The following GDE1 variants were observed in gnomAD, a reference collection of about 807,000 sequenced individuals.
GDE1 encodes glycerophosphodiester phosphodiesterase 1.
In GDE1, 24 loss-of-function variants were observed where a neutral mutation model predicts 32.2. The observed-to-expected ratio is 0.75, with a 90% CI of 0.54 to 1.05. GDE1 has a LOEUF of 1.05. Among genes scored for constraint, GDE1 ranks in the 50% least tolerant of loss-of-function variants. The probability of loss-of-function intolerance (pLI) is 0.00; values close to 1 mark genes in which losing one functional copy is unlikely to be tolerated. For synonymous variants in GDE1, 159 were observed against 158.6 expected, an observed-to-expected ratio of 1.00 and a Z score of -0.02; for missense variants, 380 against 415.0, an observed-to-expected ratio of 0.92 and a Z score of 0.73.
At chr16:19,516,129 G>T (rs1195522620) in intron 2 of GDE1, among the ~76,000 whole-genome samples, 1 of 152,134 alleles carries the variant, frequency 6.6e-6, no homozygotes, top group Non-Finnish European at 1.5e-5. Context: ...AGAACATCTT[G>T]TAAGATTAGC....
intron 1 of GDE1, among the ~76,000 whole-genome samples, chr16:19,520,524 A>G (rs1171096206): frequency 6.6e-6 from 1 of 152,046 alleles, no homozygotes; most frequent in African/African-American, 2.4e-5. Context: ...CAGGAGTTTG[A>G]GACCAGTCTG....
At chr16:19,513,455 T>C (rs1369556791) in intron 2 of GDE1, among the ~76,000 whole-genome samples, 4 of 152,204 alleles carry the variant, frequency 2.6e-5, no homozygotes, top group Admixed American at 2.6e-4. Context: ...TGTACGTTGA[T>C]TTTATATCCT....
At chr16:19,512,916 A>T (rs1969335503) in intron 2 of GDE1, among the ~76,000 whole-genome samples, 1 of 118,756 alleles carries the variant, frequency 8.4e-6, no homozygotes, top group Non-Finnish European at 1.8e-5. Context: ...CCACTGGTCT[A>T]TGTATCTGTT....
rs1969178634 is a variant in GDE1 at position 19,501,849 on chromosome 16, G to C, written c.*1621C>G. 1 of 152,132 alleles carries C rather than the reference G, an allele frequency of 6.6e-6. No homozygotes were observed. Among genetic ancestry groups the C allele is most frequent in the Non-Finnish European group, 1.5e-5 (1 of 68,034 alleles). 9.4% of individuals were successfully genotyped at this position (152,132 alleles called of 1,614,324 possible). ...CTTCTCATTGTCACATAGCTATGGG[G>C]ACTGGTGGCCTTCTAAAATCACTGT... On this transcript the variant is annotated 3_prime_UTR_variant, in exon 6 of 6. Transcript: ENST00000353258.
chr16:19,520,134 A>T (rs1198337913), intron 1 of GDE1, among the ~76,000 whole-genome samples: 1 of 152,206 alleles, frequency 6.6e-6, no homozygotes, highest in East Asian at 1.9e-4. Flanking sequence ...AACTTGATAA[A>T]TGTGAGTTGA....
In GDE1 at chr16:19,522,041, G is replaced by A. The variant is rs1299666489; in HGVS notation, c.-77C>T. On this transcript the variant is annotated 5_prime_UTR_variant, in exon 1 of 6. Coordinates refer to ENST00000353258, the MANE Select transcript of GDE1 (RefSeq NM_016641.4). ...GGGCAGTAGAACGAGAAGCGAGGGG[G>A]AGGGTCCAAGGCACCGGCAGCAGCA... 3.5e-6 allele frequency: 5 copies of A among 1,432,286 alleles called. No homozygotes were observed. The highest frequency in any genetic ancestry group is 2.5e-4 in the Middle Eastern group (1 of 3,992). 88.7% of individuals were successfully genotyped at this position (1,432,286 alleles called of 1,614,324 possible).
chr16:19,518,899 T>C (rs1969414220), intron 1 of GDE1, among the ~76,000 whole-genome samples: 1 of 152,204 alleles, frequency 6.6e-6, no homozygotes, highest in Non-Finnish European at 1.5e-5. Context: ...CATCACATTT[T>C]CCCTCTGCTC....
chr16:19,511,256 C>G lies in GDE1; in HGVS notation c.438-312G>C, dbSNP rs188931499. Among the ~76,000 whole-genome samples the G allele has an allele frequency of 5.1e-4, 78 of 152,138 alleles. No homozygotes were observed. The East Asian group carries it at 0.014, about 28-fold the overall frequency. On this transcript the variant is annotated intron_variant, in intron 2 of 5. Coordinates refer to ENST00000353258, the MANE Select transcript of GDE1 (RefSeq NM_016641.4). ...TAGCTAGGACTACAGGCGTGTGACA[C>G]CACGCCTGGCTAATTTTTTGTGTTT...
chr16:19,519,343 A>T (rs938674203), intron 1 of GDE1, among the ~76,000 whole-genome samples: 1 of 151,888 alleles, frequency 6.6e-6, no homozygotes, highest in Non-Finnish European at 1.5e-5. Context: ...TCTGTTTCCC[A>T]AGGCCTGCTC....
At position 19,503,567 on chromosome 16, in the gene GDE1, G is replaced by T; in HGVS notation, c.899C>A (p.Thr300Asn). ...ACTCTTTTCATCAAAGGTATTAACA[G>T]TCCAACCAACAACCTGGATTCCTTT... Reference protein sequence around the residue: ...SAKGIQVVGWTVNTFDEKSYY... With the variant: ...SAKGIQVVGWNVNTFDEKSYY... The change falls in exon 6 of 6, where the codon ACT (threonine) becomes AAT (asparagine). Residue 300 changes from threonine to asparagine, a missense_variant. Transcript: ENST00000353258. 1 of 1,613,414 alleles carries T rather than the reference G, an allele frequency of 6.2e-7. No individual in the cohort carries two copies.
chr16:19,503,376 T>C lies in GDE1; in HGVS notation c.*94A>G, dbSNP rs1969202761. The C allele has an allele frequency of 9.0e-7, 1 of 1,109,920 alleles. No homozygotes were observed. Among genetic ancestry groups the C allele is most frequent in the South Asian group, 1.5e-5 (1 of 66,664 alleles). 68.8% of individuals were successfully genotyped at this position (1,109,920 alleles called of 1,614,324 possible). A position where few individuals can be genotyped will look rare whatever the true frequency, so the allele number is the denominator to read the frequency against. On this transcript the variant is annotated 3_prime_UTR_variant, in exon 6 of 6. Transcript: ENST00000353258. ...TATTGCATTTGTGTGAGTCACCTGA[T>C]TCCCCAGGGCCTGGGCTAGCACAAA... is the stretch of plus-strand genomic sequence containing the variant.
intron 1 of GDE1, among the ~76,000 whole-genome samples, chr16:19,520,763 G>A (rs1240113168): frequency 2.0e-5 from 3 of 150,640 alleles, no homozygotes; most frequent in South Asian, 2.1e-4. Flanking sequence ...AGGAAGAAGA[G>A]AGAGAAAAAT....
intron 4 of GDE1, among the ~76,000 whole-genome samples, chr16:19,507,318 C>T (rs1200648688): frequency 3.9e-5 from 6 of 151,910 alleles, no homozygotes. Flanking sequence ...GGGTACACTA[C>T]TACTTTATTT....
At chr16:19,520,956 G>A (rs2151450742) in intron 1 of GDE1, among the ~76,000 whole-genome samples, 1 of 152,240 alleles carries the variant, frequency 6.6e-6, no homozygotes, top group African/African-American at 2.4e-5. Context: ...CCAGCTGCCA[G>A]GGTTGTGCGA....
Position 19,503,630 on chromosome 16 carries a change from G to A in GDE1, c.849-13C>T, listed in dbSNP as rs2151443957. 6.2e-7 allele frequency: 1 copy of A among 1,611,124 alleles called. No homozygotes were observed. Among genetic ancestry groups the A allele is most frequent in the Non-Finnish European group, 8.5e-7 (1 of 1,177,810 alleles). On this transcript the variant is annotated splice_polypyrimidine_tract_variant and intron_variant, in intron 5 of 5. Transcript: ENST00000353258. Reference sequence around the variant, plus strand: ...CTTCAAGTAGGCCCTGGGGAAAGAGGAAAGCCAATCCTGTTAGAATAATAA... The same window carrying A: ...CTTCAAGTAGGCCCTGGGGAAAGAGAAAAGCCAATCCTGTTAGAATAATAA...
intron 3 of GDE1, among the ~76,000 whole-genome samples, chr16:19,507,999 C>T (rs574651108): frequency 6.6e-6 from 1 of 152,300 alleles, no homozygotes; most frequent in South Asian, 2.1e-4. Context: ...TGCTGCTTTA[C>T]TCCCTCTGAG....
chr16:19,505,029 T>C lies in GDE1; in HGVS notation c.700A>G (p.Thr234Ala), dbSNP rs1206000695. Residue 234 changes from threonine to alanine, a missense_variant, in exon 5 of 6, where the codon ACA (threonine) becomes GCA (alanine). Transcript: ENST00000353258. Reference sequence around the variant, plus strand: ...TCATAGCGTGGTTTCCCATCTCCTGTATGGCTTAGGCTCCAAGGTCTGTGA... The same window carrying C: ...TCATAGCGTGGTTTCCCATCTCCTGCATGGCTTAGGCTCCAAGGTCTGTGA... ...LTHRPWSLSH[T>A]GDGKPRYDTF... 4 of 1,613,088 alleles carry C rather than the reference T, an allele frequency of 2.5e-6. No individual in the cohort carries two copies. Among genetic ancestry groups the C allele is most frequent in the Non-Finnish European group, 3.4e-6 (4 of 1,179,130 alleles).
At chr16:19,507,181 T>TAAAA (rs1969259429) in intron 4 of GDE1, among the ~76,000 whole-genome samples, 1 of 143,844 alleles carries the variant, frequency 7.0e-6, no homozygotes, top group Non-Finnish European at 1.5e-5. Flanking sequence ...AATAAATAAA[T>TAAAA]AAAATGGCAT....
chr16:19,519,200 T>A (rs1286510364), intron 1 of GDE1, among the ~76,000 whole-genome samples: 2 of 152,112 alleles, frequency 1.3e-5, no homozygotes, highest in African/African-American at 2.4e-5. Context: ...GGAAGCTTCA[T>A]GATGTCAGCA....
Sources: allele counts gnomAD v4.1 joint callset (sites outside exome capture counted in the v4.1 genomes callset), GRCh38; gene constraint gnomAD v4.1.1; transcripts MANE v1.5; gene names NCBI Gene and HGNC (gene_info 2026-07-23, HGNC 2026-07-21).